The following SLC24A2 variants were observed in gnomAD, a reference collection of about 807,000 sequenced individuals.
SLC24A2 encodes solute carrier family 24 member 2.
SLC24A2 carries 36 observed loss-of-function variants against 62.0 expected under a neutral mutation model. The observed-to-expected ratio is 0.58, with a 90% CI of 0.44 to 0.77. The LOEUF is 0.77. Among genes scored for constraint, SLC24A2 ranks in the 30% least tolerant of loss-of-function variants. SLC24A2 has a pLI of 0.00. For missense variants in SLC24A2, 846 were observed against 817.9 expected (o/e 1.03, Z -0.42); for synonymous variants, 358 against 294.0 (o/e 1.22, Z -2.23).
At chr9:19,679,386 TGTCTTACACA>T (rs772328524) in intron 2 of SLC24A2, among the ~76,000 whole-genome samples, 27 of 152,336 alleles carry the variant, frequency 1.8e-4, no homozygotes, top group Middle Eastern at 6.8e-3. Context: ...ATTTGCCATG[TGTCTTACACA>T]GTACTGGGGA....
the SLC24A2 span, among the ~76,000 whole-genome samples, chr9:19,975,060 A>G: frequency 6.6e-6 from 1 of 152,266 alleles, no homozygotes; most frequent in South Asian, 2.1e-4. Flanking sequence ...ACTGGGTCAC[A>G]TGGTCATCCC....
chr9:19,824,884 G>A, the SLC24A2 span, among the ~76,000 whole-genome samples: 1 of 152,108 alleles, frequency 6.6e-6, no homozygotes, highest in African/African-American at 2.4e-5. Flanking sequence ...CATGGATGAA[G>A]CTGGAAACCA....
At chr9:19,837,245 G>A in the SLC24A2 span, among the ~76,000 whole-genome samples, 2 of 151,576 alleles carry the variant, frequency 1.3e-5, no homozygotes, top group South Asian at 4.2e-4. Context: ...GAGGTCAGGA[G>A]ATCGAGACCA....
the SLC24A2 span, among the ~76,000 whole-genome samples, chr9:20,082,435 T>C: frequency 6.6e-6 from 1 of 152,194 alleles, no homozygotes; most frequent in Non-Finnish European, 1.5e-5. Context: ...ATTTGCAGAG[T>C]TCTGTCAGTG....
the SLC24A2 span, among the ~76,000 whole-genome samples, chr9:20,065,216 G>A: frequency 7.9e-5 from 12 of 152,216 alleles, no homozygotes; most frequent in Non-Finnish European, 1.2e-4. Context: ...GCCAAACCGA[G>A]TGGCCCCACT....
chr9:20,062,335 C>T, the SLC24A2 span, among the ~76,000 whole-genome samples: 12 of 150,966 alleles, frequency 7.9e-5, no homozygotes, highest in African/African-American at 2.4e-4. Context: ...AGAAATAATG[C>T]CGCGTATCTA....
chr9:19,705,501 A>G (rs550712871), intron 2 of SLC24A2: 2 of 221,338 alleles, frequency 9.0e-6, no homozygotes, highest in Non-Finnish European at 2.0e-5. Flanking sequence ...TCCAGGAAGA[A>G]GCACAGAAAA....
At chr9:19,882,354 T>G in the SLC24A2 span, among the ~76,000 whole-genome samples, 1 of 152,238 alleles carries the variant, frequency 6.6e-6, no homozygotes, top group Non-Finnish European at 1.5e-5. Context: ...TATTTGCTTA[T>G]TAAGCATTGT....
chr9:19,713,033 G>C (rs1820757981), intron 2 of SLC24A2, among the ~76,000 whole-genome samples: 1 of 151,942 alleles, frequency 6.6e-6, no homozygotes, highest in Admixed American at 6.6e-5. Context: ...TCACCTCCAG[G>C]GAATCTTTTT....
the SLC24A2 span, among the ~76,000 whole-genome samples, chr9:20,058,395 TA>T: frequency 6.6e-6 from 1 of 151,962 alleles, no homozygotes; most frequent in Admixed American, 6.6e-5. Flanking sequence ...CACAGAGGAA[TA>T]AACCCATAAC....
At position 19,613,387 on chromosome 9, in the gene SLC24A2, C is replaced by T. The variant is rs532974395; in HGVS notation, c.1078+6197G>A. Among the ~76,000 whole-genome samples, 41 of 152,264 alleles carry T rather than the reference C, an allele frequency of 2.7e-4. No individual in the cohort carries two copies. The South Asian group carries it at 5.8e-3, about 22-fold the overall frequency. On this transcript the variant is annotated intron_variant, in intron 4 of 10. Transcript: ENST00000341998. Reference sequence around the variant, plus strand: ...AAGCTTTAGAAGCAGTTCAAGACCACGCATTTTACAATTTTCACTTCTTTG... The same window carrying T: ...AAGCTTTAGAAGCAGTTCAAGACCATGCATTTTACAATTTTCACTTCTTTG...
At chr9:19,853,844 C>G in the SLC24A2 span, among the ~76,000 whole-genome samples, 1,639 of 152,248 alleles carry the variant, frequency 0.011, 10 homozygotes, top group Non-Finnish European at 0.016. Context: ...AGGAGTCTAT[C>G]CTTTTCAATT....
chr9:20,056,957 A>G, the SLC24A2 span, among the ~76,000 whole-genome samples: 3 of 152,170 alleles, frequency 2.0e-5, no homozygotes, highest in Non-Finnish European at 4.4e-5. Context: ...ATTTTCCTTA[A>G]CTCTTCTTGG....
At chr9:19,864,886 A>G in the SLC24A2 span, among the ~76,000 whole-genome samples, 2 of 152,080 alleles carry the variant, frequency 1.3e-5, no homozygotes, top group African/African-American at 4.8e-5. Flanking sequence ...TTGGAAAGGA[A>G]AACATCAAAT....
chr9:19,893,792 C>T, the SLC24A2 span, among the ~76,000 whole-genome samples: 13 of 152,252 alleles, frequency 8.5e-5, no homozygotes, highest in South Asian at 2.1e-4. Context: ...TCCTCTCTCA[C>T]GCCACACAGG....
At chr9:19,839,998 T>C in the SLC24A2 span, among the ~76,000 whole-genome samples, 1 of 152,320 alleles carries the variant, frequency 6.6e-6, no homozygotes, top group East Asian at 1.9e-4. Context: ...GTTTGAACAA[T>C]GATGAAATCA....
At chr9:20,127,530 C>T in the SLC24A2 span, among the ~76,000 whole-genome samples, 1 of 152,016 alleles carries the variant, frequency 6.6e-6, no homozygotes, top group Non-Finnish European at 1.5e-5. Flanking sequence ...GGTTTAATCC[C>T]CAGTTTCATC....
chr9:19,814,022 T>C, the SLC24A2 span, among the ~76,000 whole-genome samples: 1 of 152,302 alleles, frequency 6.6e-6, no homozygotes, highest in South Asian at 2.1e-4. Flanking sequence ...TTTCCTATAG[T>C]TCTAGTGGCT....
chr9:20,057,541 A>C, the SLC24A2 span, among the ~76,000 whole-genome samples: 3 of 152,230 alleles, frequency 2.0e-5, no homozygotes, highest in Admixed American at 6.5e-5. Flanking sequence ...AGATAAATAG[A>C]AACAAAATGT....
Sources: gnomAD v4.1 joint callset for allele counts (sites outside exome capture counted in the v4.1 genomes callset) on GRCh38, gnomAD v4.1.1 for gene constraint, MANE v1.5 for transcripts, NCBI Gene and HGNC (gene_info 2026-07-23, HGNC 2026-07-21) for gene names.